IRAK2: variants seen among roughly 807,000 people sequenced by gnomAD.
The protein encoded by IRAK2 is interleukin 1 receptor associated kinase 2.
A neutral mutation model predicts 72.0 loss-of-function variants in IRAK2; 57 were observed. The ratio of observed to expected loss-of-function variants is 0.79; its 90% confidence interval spans 0.64 to 0.99. The LOEUF is 0.99. Ranked by LOEUF, IRAK2 falls within the 50% of genes least tolerant of loss-of-function variation. The pLI, the probability that IRAK2 is intolerant of heterozygous loss-of-function variation, is 0.00. For synonymous variants in IRAK2, 293 were observed against 312.7 expected, an observed-to-expected ratio of 0.94 and a Z score of 0.67; for missense variants, 790 against 794.4, an observed-to-expected ratio of 0.99 and a Z score of 0.07.
At chr3:10,218,434 A>C (rs1458845518) in intron 7 of IRAK2, among the ~76,000 whole-genome samples, 2 of 132,650 alleles carry the variant, frequency 1.5e-5, no homozygotes, top group African/African-American at 2.8e-5. Flanking sequence ...AAAAAAAAAA[A>C]AAAAAAAAAA....
intron 9 of IRAK2, 53 bp downstream of exon 9, chr3:10,222,884 C>T: frequency 1.3e-6 from 2 of 1,494,148 alleles, no homozygotes; most frequent in Non-Finnish European, 1.9e-6. Flanking sequence ...TTGTCCTTCC[C>T]ACGGCTCCTT....
At chr3:10,241,888 A>C (rs1484801192) in intron 12 of IRAK2, among the ~76,000 whole-genome samples, 1 of 147,310 alleles carries the variant, frequency 6.8e-6, no homozygotes, top group African/African-American at 2.5e-5. Flanking sequence ...TGGGAGGATC[A>C]CCTGAACCTG....
chr3:10,166,196 C>T (rs1256947657), intron 1 of IRAK2, among the ~76,000 whole-genome samples: 1 of 152,212 alleles, frequency 6.6e-6, no homozygotes, highest in Non-Finnish European at 1.5e-5. Flanking sequence ...TTGTTTTGAT[C>T]ACAGTATTTA....
rs1698080859 is a variant in IRAK2, at chr3:10,242,723, T to TG, written c.*499dup. 6.6e-6 allele frequency: 1 copy of TG among 152,216 alleles called. No homozygotes were observed. The highest frequency in any genetic ancestry group is 2.1e-4 in the South Asian group (1 of 4,836). 9.4% of individuals were successfully genotyped at this position (152,216 alleles called of 1,614,324 possible). A position where few individuals can be genotyped will look rare whatever the true frequency, so the allele number is the denominator to read the frequency against. On this transcript the variant is annotated 3_prime_UTR_variant, in exon 13 of 13. Coordinates refer to ENST00000256458, the MANE Select transcript of IRAK2 (RefSeq NM_001570.4). ...TTAGTTTTTAATTTTTTTGTAGAGA[T>TG]GGGGTCTCGCTTTGTTGGCGCAATC... is the stretch of plus-strand genomic sequence containing the variant.
rs757020842 is a variant in IRAK2, at chr3:10,226,406, G to A, written c.1245G>A (p.Met415Ile). ...AGGTCCTCACGGGCATCCCTGCAAT[G>A]GATAACAACCGAAGCCCGGTTTACC... Reference protein sequence around the residue: ...LAEVLTGIPAMDNNRSPVYLK... With the variant: ...LAEVLTGIPAIDNNRSPVYLK... The change falls in exon 10 of 13, where the codon ATG (methionine) becomes ATA (isoleucine). Residue 415 changes from methionine (M) to isoleucine (I), a missense_variant. Physicochemically the swap from Met to Ile is conservative, Grantham distance 10. Coordinates refer to ENST00000256458, the MANE Select transcript of IRAK2 (RefSeq NM_001570.4). The A allele has an allele frequency of 6.2e-7, 1 of 1,613,568 alleles. No homozygotes were observed. Among genetic ancestry groups the A allele is most frequent in the Non-Finnish European group, 8.5e-7 (1 of 1,179,832 alleles).
In IRAK2 at chr3:10,177,972, C is replaced by T; in HGVS notation, c.229C>T (p.Leu77Phe). 6.2e-7 allele frequency: 1 copy of T among 1,613,646 alleles called. No homozygotes were observed. Among genetic ancestry groups the T allele is most frequent in the Non-Finnish European group, 8.5e-7 (1 of 1,179,964 alleles). Residue 77 changes from leucine (L) to phenylalanine (F), a missense_variant, in exon 2 of 13, where the codon CTC becomes TTC. By Grantham distance (22) the Leu-to-Phe change is conservative (BLOSUM62 0). Transcript: ENST00000256458. ...RQATVQQLVD[L>F]LCRLELYRAA... ...GGCCACCGTCCAGCAACTTGTGGAC[C>T]TCCTGTGCCGCCTGGAGCTCTACCG...
intron 11 of IRAK2, among the ~76,000 whole-genome samples, chr3:10,237,724 G>A (rs1036435479): frequency 4.0e-5 from 6 of 150,752 alleles, no homozygotes; most frequent in African/African-American, 1.2e-4. Flanking sequence ...GGAGAATGGC[G>A]TGAACCCGGG....
At chr3:10,220,615 G>A (rs1697672391) in intron 8 of IRAK2, among the ~76,000 whole-genome samples, 2 of 152,038 alleles carry the variant, frequency 1.3e-5, no homozygotes, top group South Asian at 4.2e-4. Context: ...GCTAATTTTT[G>A]TATTTTTAGT....
At chr3:10,226,292 A>AGG in intron 9 of IRAK2, 79 bp from the exon 10 acceptor site, 1 of 1,211,026 alleles carries the variant, frequency 8.3e-7, no homozygotes. Context: ...CTCAGAACTG[A>AGG]GAAGAGAAGA....
intron 2 of IRAK2, among the ~76,000 whole-genome samples, chr3:10,183,939 C>T (rs1010768681): frequency 1.3e-4 from 20 of 152,254 alleles, no homozygotes; most frequent in South Asian, 6.2e-4. Flanking sequence ...AAAAGACAGG[C>T]GTTCGTTTCC....
At chr3:10,191,461 A>G (rs1697175036) in intron 2 of IRAK2, among the ~76,000 whole-genome samples, 1 of 152,216 alleles carries the variant, frequency 6.6e-6, no homozygotes, top group Non-Finnish European at 1.5e-5. Flanking sequence ...ACTGTGGCCT[A>G]CAAGGCCCTG....
At chr3:10,203,710 C>G (rs1287602236) in intron 3 of IRAK2, among the ~76,000 whole-genome samples, 1 of 152,210 alleles carries the variant, frequency 6.6e-6, no homozygotes, top group Non-Finnish European at 1.5e-5. Context: ...CGGCTCACTG[C>G]AGCCTCTGCC....
At position 10,202,689 on chromosome 3, in the gene IRAK2, C is replaced by CTTTT. The variant is rs374939802; in HGVS notation, c.424+2192_424+2195dup. Among the ~76,000 whole-genome samples the CTTTT allele has an allele frequency of 1.4e-3, 135 of 98,046 alleles. 2 individuals carry two copies. Among genetic ancestry groups the CTTTT allele is most frequent in the African/African-American group, 2.9e-3 (74 of 25,090 alleles). The allele number at this position is 98,046 out of a possible 152,430, so 64.3% of individuals were successfully genotyped here. The stretch of plus-strand genomic sequence containing the variant: ...CAGCCTTTGCTGTTTACTTTCTTTC[C>CTTTT]TTTTTTTTTTTTTTTTTTTTTGAGA... On this transcript the variant is annotated intron_variant, in intron 3 of 12. Coordinates refer to ENST00000256458, the MANE Select transcript of IRAK2 (RefSeq NM_001570.4).
intron 1 of IRAK2, among the ~76,000 whole-genome samples, chr3:10,167,391 G>A (rs1298025480): frequency 6.6e-6 from 1 of 151,572 alleles, no homozygotes; most frequent in African/African-American, 2.4e-5. Flanking sequence ...GTTCATCCAT[G>A]TTGTAGCATG....
rs1055950397 is a variant in IRAK2 at position 10,243,651 on chromosome 3, CAG to C, written c.*1425_*1426del. On this transcript the variant is annotated 3_prime_UTR_variant, in exon 13 of 13. Transcript: ENST00000256458. ...TCATGTTGCAAATCTTTCTGTGAAACAGATGCTATTTTAAATTCACTGGGAGA... is the reference window on the plus strand; with the variant it reads ...TCATGTTGCAAATCTTTCTGTGAAACATGCTATTTTAAATTCACTGGGAGA... 1 of 152,680 alleles carries C rather than the reference CAG, an allele frequency of 6.5e-6. No individual in the cohort carries two copies. The highest frequency in any genetic ancestry group is 2.4e-5 in the African/African-American group (1 of 41,472). 9.5% of individuals were successfully genotyped at this position (152,680 alleles called of 1,614,324 possible).
intron 9 of IRAK2, among the ~76,000 whole-genome samples, chr3:10,224,727 CCCATCCAT>C (rs1575985171): frequency 9.2e-6 from 1 of 108,830 alleles, no homozygotes; most frequent in African/African-American, 3.8e-5. Context: ...CACCCACATA[CCCATCCAT>C]CCATCCATCC....
chr3:10,240,512 T>C (rs1698036537), intron 12 of IRAK2, among the ~76,000 whole-genome samples: 1 of 142,088 alleles, frequency 7.0e-6, no homozygotes. Flanking sequence ...ATACCAAGTT[T>C]CTTTCTGAAA....
chr3:10,219,994 A>G (rs1351805579), intron 8 of IRAK2, among the ~76,000 whole-genome samples: 2 of 152,064 alleles, frequency 1.3e-5, no homozygotes, highest in Non-Finnish European at 2.9e-5. Flanking sequence ...TCCAAGTCCA[A>G]TTGCTCTCAG....
chr3:10,183,003 C>T (rs1489413101), intron 2 of IRAK2, among the ~76,000 whole-genome samples: 3 of 151,878 alleles, frequency 2.0e-5, no homozygotes, highest in Admixed American at 6.6e-5. Context: ...AACTCCTGGC[C>T]TCAAGTGATC....
Sources: gnomAD v4.1 joint callset for allele counts (sites outside exome capture counted in the v4.1 genomes callset) on GRCh38, gnomAD v4.1.1 for gene constraint, MANE v1.5 for transcripts, NCBI Gene and HGNC (gene_info 2026-07-23, HGNC 2026-07-21) for gene names.